OSBPL9: variants seen among roughly 807,000 people sequenced by gnomAD.
OSBPL9 encodes the protein oxysterol binding protein like 9.
OSBPL9 carries 40 observed loss-of-function variants against 106.6 expected under a neutral mutation model. That is an observed-to-expected ratio of 0.38 (90% confidence interval 0.29 to 0.49). OSBPL9 has a LOEUF of 0.49. OSBPL9 is among the 20% of genes least tolerant of loss of function. The probability of loss-of-function intolerance (pLI) is 0.97; values close to 1 mark genes in which losing one functional copy is unlikely to be tolerated. For missense variants in OSBPL9, 609 were observed against 887.2 expected (o/e 0.69, Z 3.98); for synonymous variants, 269 against 295.4 (o/e 0.91, Z 0.92).
chr1:51,602,221 C>T (rs1353865984), intron 2 of OSBPL9, among the ~76,000 whole-genome samples: 1 of 150,936 alleles, frequency 6.6e-6, no homozygotes, highest in East Asian at 1.9e-4. Context: ...GGGGTTTCAC[C>T]GTGGTCTCGA....
At chr1:51,556,168 C>T in the OSBPL9 span, among the ~76,000 whole-genome samples, 2 of 151,844 alleles carry the variant, frequency 1.3e-5, no homozygotes, top group Admixed American at 1.3e-4. Flanking sequence ...TGAGACTTAG[C>T]GATAATATAG....
At chr1:51,566,899 A>G in the OSBPL9 span, among the ~76,000 whole-genome samples, 30 of 152,312 alleles carry the variant, frequency 2.0e-4, no homozygotes, top group African/African-American at 7.0e-4. Flanking sequence ...GGAGGATCTC[A>G]GAGAGCTCCT....
chr1:51,601,556 T>A (rs527668175), intron 2 of OSBPL9, among the ~76,000 whole-genome samples: 1 of 152,364 alleles, frequency 6.6e-6, no homozygotes, highest in South Asian at 2.1e-4. Flanking sequence ...CTTTTGCCTT[T>A]ACCTATACTG....
chr1:51,612,841 T>A (rs1344934439), upstream of OSBPL9, among the ~76,000 whole-genome samples: 1 of 152,240 alleles, frequency 6.6e-6, no homozygotes, highest in Non-Finnish European at 1.5e-5. Flanking sequence ...AATGAAGATA[T>A]AGCTTGCTGC....
intron 4 of OSBPL9, among the ~76,000 whole-genome samples, chr1:51,735,619 AAACT>A (rs1665499998): frequency 6.6e-6 from 1 of 152,386 alleles, no homozygotes; most frequent in East Asian, 1.9e-4. Flanking sequence ...TAATAGAATG[AAACT>A]CTTTTAGATC....
chr1:51,750,304 C>T lies in OSBPL9; in HGVS notation c.543+109C>T, dbSNP rs550569541. On this transcript the variant is annotated intron_variant, in intron 8 of 23. Transcript: ENST00000428468. ...AGATCTGAAACATAGTACCTTTCTACATTAAACTGTATTGTGAGCTTATTC... is the reference window on the plus strand; with the variant it reads ...AGATCTGAAACATAGTACCTTTCTATATTAAACTGTATTGTGAGCTTATTC... 3.3e-5 allele frequency: 22 copies of T among 659,880 alleles called. 3 individuals are homozygous for T. The South Asian group carries it at 4.2e-4, about 13-fold the overall frequency. 40.9% of individuals were successfully genotyped at this position (659,880 alleles called of 1,614,324 possible).
chr1:51,722,412 C>T (rs1361193298), intron 4 of OSBPL9, among the ~76,000 whole-genome samples: 1 of 152,194 alleles, frequency 6.6e-6, no homozygotes, highest in Non-Finnish European at 1.5e-5. Context: ...CTGAAAGGCT[C>T]ATATAGCAAA....
chr1:51,643,816 C>T (rs1247816883), intron 1 of OSBPL9, among the ~76,000 whole-genome samples: 1 of 151,904 alleles, frequency 6.6e-6, no homozygotes, highest in African/African-American at 2.4e-5. Flanking sequence ...TACGGTGGCT[C>T]ACTCCTGTAG....
At chr1:51,658,004 A>T (rs1646919105) in intron 2 of OSBPL9, among the ~76,000 whole-genome samples, 1 of 151,882 alleles carries the variant, frequency 6.6e-6, no homozygotes, top group South Asian at 2.1e-4. Flanking sequence ...GCTACTTGGG[A>T]GGCTGAGGTG....
the OSBPL9 span, among the ~76,000 whole-genome samples, chr1:51,521,956 C>T: frequency 8.6e-5 from 13 of 151,904 alleles, no homozygotes; most frequent in African/African-American, 1.5e-4. Context: ...AGGGTTTCAC[C>T]GTGTTGGCCA....
At chr1:51,629,204 C>T (rs766966143) in intron 1 of OSBPL9, among the ~76,000 whole-genome samples, 67 of 152,104 alleles carry the variant, frequency 4.4e-4, no homozygotes, top group Middle Eastern at 3.2e-3. Flanking sequence ...ATAATCATCT[C>T]GTTTGATTTT....
chr1:51,603,467 C>T (rs1645333348), intron 2 of OSBPL9, among the ~76,000 whole-genome samples: 3 of 152,168 alleles, frequency 2.0e-5, no homozygotes, highest in Non-Finnish European at 4.4e-5. Flanking sequence ...GTACCTTATG[C>T]TATTTCATCC....
intron 3 of OSBPL9, among the ~76,000 whole-genome samples, chr1:51,676,953 C>G (rs751430762): frequency 3.3e-5 from 5 of 152,182 alleles, no homozygotes; most frequent in African/African-American, 4.8e-5. Flanking sequence ...CACTGTATAA[C>G]AGGCACTGTA....
At chr1:51,754,194 C>T (rs998431721) in intron 8 of OSBPL9, among the ~76,000 whole-genome samples, 1 of 152,212 alleles carries the variant, frequency 6.6e-6, no homozygotes, top group African/African-American at 2.4e-5. Flanking sequence ...CATACCACAA[C>T]TCAGAATGCC....
In OSBPL9 at chr1:51,781,351, A is replaced by T. The variant is rs1676344189; in HGVS notation, c.1428+16A>T. 6.2e-7 allele frequency: 1 copy of T among 1,607,048 alleles called. No individual in the cohort carries two copies. Among genetic ancestry groups the T allele is most frequent in the Non-Finnish European group, 8.5e-7 (1 of 1,174,402 alleles). ...AGAGAACACAGTGAGTTCTGCATTG[A>T]CATTTTTAAATTATCTTAATTGTAT... On this transcript the variant is annotated intron_variant, in intron 16 of 23. Coordinates refer to ENST00000428468, the MANE Select transcript of OSBPL9 (RefSeq NM_024586.6).
intron 3 of OSBPL9, 22 bp downstream of exon 3, chr1:51,669,534 TTTC>T: frequency 1.9e-6 from 3 of 1,606,704 alleles, no homozygotes; most frequent in Non-Finnish European, 2.6e-6. Context: ...GAAGAGATTC[TTTC>T]TCTTCATAGT....
upstream of OSBPL9, among the ~76,000 whole-genome samples, chr1:51,616,301 G>A (rs1040983487): frequency 6.6e-6 from 1 of 151,964 alleles, no homozygotes; most frequent in Admixed American, 6.6e-5. Flanking sequence ...TGCTTAAATT[G>A]CCCCTGTAGG....
At chr1:51,518,700 G>A in the OSBPL9 span, among the ~76,000 whole-genome samples, 11 of 152,124 alleles carry the variant, frequency 7.2e-5, no homozygotes, top group Non-Finnish European at 1.3e-4. Flanking sequence ...TGGCTTGGGG[G>A]GCCTGCGCGT....
intron 2 of OSBPL9, among the ~76,000 whole-genome samples, chr1:51,668,888 C>T (rs892149296): frequency 6.6e-6 from 1 of 152,162 alleles, no homozygotes; most frequent in African/African-American, 2.4e-5. Context: ...CAGATAATCA[C>T]AGTATACTGT....
Sources: gnomAD v4.1 joint callset for allele counts (sites outside exome capture counted in the v4.1 genomes callset) on GRCh38, gnomAD v4.1.1 for gene constraint, MANE v1.5 for transcripts, NCBI Gene and HGNC (gene_info 2026-07-23, HGNC 2026-07-21) for gene names.